PDXDC1: variants seen among roughly 807,000 people sequenced by gnomAD.
PDXDC1 encodes the protein pyridoxal dependent decarboxylase domain containing 1, also known as pyridoxal-dependent decarboxylase domain-containing protein 1.
Under a neutral mutation model 100.1 loss-of-function variants are expected in PDXDC1, and 42 were observed. That is an observed-to-expected ratio of 0.42 (90% CI 0.33 to 0.54). The LOEUF (loss-of-function observed/expected upper bound fraction) is 0.54. Ranked by LOEUF, PDXDC1 falls within the 20% of genes least tolerant of loss-of-function variation. The pLI, the probability that PDXDC1 is intolerant of heterozygous loss-of-function variation, is 0.10. For synonymous variants in PDXDC1, 260 were observed against 371.7 expected (o/e 0.70, Z 3.46); for missense variants, 636 against 979.2 (o/e 0.65, Z 4.68).
At chr16:15,141,855 G>A (rs1194466609), downstream of PDXDC1, among the ~76,000 whole-genome samples, 2 of 152,210 alleles carry the variant, frequency 1.3e-5, no homozygotes, top group Non-Finnish European at 2.9e-5. Flanking sequence ...CCATGCCCGA[G>A]GGGGAACACT....
At chr16:15,145,926 C>T in the PDXDC1 span, among the ~76,000 whole-genome samples, 6 of 152,330 alleles carry the variant, frequency 3.9e-5, no homozygotes, top group African/African-American at 9.6e-5. Context: ...GAAAAGAACA[C>T]GTGTGTCTCC....
downstream of PDXDC1, among the ~76,000 whole-genome samples, chr16:15,039,645 C>A (rs915091975): frequency 1.3e-5 from 2 of 152,192 alleles, no homozygotes; most frequent in African/African-American, 4.8e-5. Flanking sequence ...TCTCCTGCGT[C>A]CCAGTTCTCC....
chr16:15,040,337 G>C (rs2043757502), downstream of PDXDC1: 18 of 388,410 alleles, frequency 4.6e-5, no homozygotes, highest in East Asian at 7.9e-4. Flanking sequence ...CATTCCTTCA[G>C]TCGGACATGT....
intron 1 of PDXDC1, among the ~76,000 whole-genome samples, chr16:14,995,607 TTTG>T (rs1971794456): frequency 6.6e-6 from 1 of 152,288 alleles, no homozygotes; most frequent in African/African-American, 2.4e-5. Flanking sequence ...ATTCTCTTTT[TTTG>T]TTGTGTCTCT....
At chr16:15,101,450 G>A (rs1429846956) in intron 16 of PDXDC1, among the ~76,000 whole-genome samples, 2 of 151,990 alleles carry the variant, frequency 1.3e-5, no homozygotes, top group Admixed American at 6.5e-5. Context: ...CCAAGTAGCT[G>A]GAATTACAGG....
intron 16 of PDXDC1, among the ~76,000 whole-genome samples, chr16:15,048,695 C>T (rs2044177620): frequency 6.6e-6 from 1 of 152,214 alleles, no homozygotes; most frequent in Non-Finnish European, 1.5e-5. Context: ...ACAATTTCAA[C>T]TCACTGCAGC....
At chr16:15,064,936 G>A (rs1463643191) in intron 16 of PDXDC1, among the ~76,000 whole-genome samples, 2 of 152,188 alleles carry the variant, frequency 1.3e-5, no homozygotes, top group East Asian at 1.9e-4. Flanking sequence ...GGAGGCCGAG[G>A]CGGGCGGATC....
chr16:15,137,653 C>G (rs557015161), intron 16 of PDXDC1: 7 of 1,307,236 alleles, frequency 5.4e-6, no homozygotes, highest in South Asian at 2.5e-5. Context: ...GGCCCGGAGC[C>G]CCCCCCCAGA....
intron 1 of PDXDC1, among the ~76,000 whole-genome samples, chr16:14,978,478 C>G (rs547030917): frequency 1.5e-3 from 222 of 152,336 alleles, no homozygotes; most frequent in African/African-American, 5.2e-3. Context: ...CAACGTCCGT[C>G]TCCAGGGCTC....
intron 8 of PDXDC1, among the ~76,000 whole-genome samples, chr16:15,012,581 A>G (rs867499603): frequency 6.6e-6 from 1 of 152,300 alleles, no homozygotes; most frequent in South Asian, 2.1e-4. Context: ...CAGGTGGCTC[A>G]CACTTGTAAT....
chr16:15,091,258 C>G (rs1173096868), intron 16 of PDXDC1: 2 of 1,599,420 alleles, frequency 1.3e-6, no homozygotes, highest in East Asian at 2.2e-5. Flanking sequence ...AAAGAGCAAA[C>G]TATGTCTGTA....
chr16:15,143,411 C>A (rs1361056675), downstream of PDXDC1, among the ~76,000 whole-genome samples: 1 of 152,224 alleles, frequency 6.6e-6, no homozygotes, highest in Non-Finnish European at 1.5e-5. Context: ...GCAGGGCCAG[C>A]CTGCCGGCCC....
At chr16:15,067,287 C>T (rs2151766240) in intron 16 of PDXDC1, among the ~76,000 whole-genome samples, 1 of 150,080 alleles carries the variant, frequency 6.7e-6, no homozygotes, top group African/African-American at 2.4e-5. Flanking sequence ...TCGCTTTCTC[C>T]ATAAAGCAGA....
At chr16:15,088,969 C>A (rs1412518715) in intron 16 of PDXDC1, among the ~76,000 whole-genome samples, 3 of 151,944 alleles carry the variant, frequency 2.0e-5, no homozygotes, top group Admixed American at 1.3e-4. Flanking sequence ...TTTGGAGCAT[C>A]TATGATGATT....
the PDXDC1 span, among the ~76,000 whole-genome samples, chr16:15,144,661 G>C: frequency 1.3e-5 from 2 of 152,212 alleles, no homozygotes; most frequent in Non-Finnish European, 2.9e-5. Flanking sequence ...CTGTTCCCAG[G>C]ATGAGACGCC....
chr16:15,030,439 G>C (rs1170800996), intron 16 of PDXDC1, among the ~76,000 whole-genome samples: 2 of 150,988 alleles, frequency 1.3e-5, no homozygotes, highest in Non-Finnish European at 3.0e-5. Context: ...CCAGCTACTT[G>C]GGAGGCTGAG....
chr16:14,994,173 G>A (rs1971479366), intron 1 of PDXDC1, among the ~76,000 whole-genome samples: 1 of 152,276 alleles, frequency 6.6e-6, no homozygotes, highest in African/African-American at 2.4e-5. Flanking sequence ...TTTGGCTTTT[G>A]TTGCCATTGC....
chr16:15,010,004 C>G (rs1279773221), intron 8 of PDXDC1, among the ~76,000 whole-genome samples: 2 of 152,260 alleles, frequency 1.3e-5, no homozygotes, highest in Admixed American at 6.5e-5. Flanking sequence ...AAATGCTTCT[C>G]TATCTTCTCC....
At chr16:15,145,242 G>A in the PDXDC1 span, among the ~76,000 whole-genome samples, 1 of 152,252 alleles carries the variant, frequency 6.6e-6, no homozygotes, top group East Asian at 1.9e-4. Flanking sequence ...GTGCCCTGGA[G>A]AGGGCAGCAG....
Sources: gnomAD v4.1 joint callset for allele counts (sites outside exome capture counted in the v4.1 genomes callset) on GRCh38, gnomAD v4.1.1 for gene constraint, MANE v1.5 for transcripts, NCBI Gene and HGNC (gene_info 2026-07-23, HGNC 2026-07-21) for gene names.